Variants in RGS5 observed in about 807,000 individuals in gnomAD.
RGS5 encodes regulator of G protein signaling 5.
Under a neutral mutation model 18.9 loss-of-function variants are expected in RGS5, and 20 were observed. The observed-to-expected ratio is 1.06, with a 90% CI of 0.74 to 1.54. The LOEUF is 1.54. Ranked by LOEUF, RGS5 falls within the 40% of genes most tolerant of loss-of-function variation. The pLI is 0.00. For missense variants in RGS5, 201 were observed against 211.8 expected (o/e 0.95, Z 0.32); for synonymous variants, 57 against 76.2 (o/e 0.75, Z 1.31).
chr1:163,202,914 T>C lies in RGS5; in HGVS notation c.-79A>G. 4 of 1,375,984 alleles carry C rather than the reference T, an allele frequency of 2.9e-6. No individual in the cohort carries two copies. Among genetic ancestry groups the C allele is most frequent in the South Asian group, 2.4e-5 (2 of 83,292 alleles). The allele number at this position is 1,375,984 out of a possible 1,614,324, so 85.2% of individuals were successfully genotyped here. On this transcript the variant is annotated 5_prime_UTR_variant, in exon 1 of 5. Transcript: ENST00000313961. ...CCAGTCTTTGAAAACTTCAAAACTG[T>C]CTGGGATGCCTTTCCTCCTGAGGTA...
At chr1:163,225,427 T>C (rs1571303620) in intron 2 of RGS5, among the ~76,000 whole-genome samples, 1 of 152,160 alleles carries the variant, frequency 6.6e-6, no homozygotes, top group Non-Finnish European at 1.5e-5. Flanking sequence ...TTCTGCAACA[T>C]ATAGAATTAA....
At position 163,202,883 on chromosome 1, in the gene RGS5, G is replaced by C. The variant is rs1233548365; in HGVS notation, c.-48C>G. Reference sequence around the variant, plus strand: ...CCGCTTTAAGTACAACTTCTTAACAGCAGAGCCAGTCTTTGAAAACTTCAA... The same window carrying C: ...CCGCTTTAAGTACAACTTCTTAACACCAGAGCCAGTCTTTGAAAACTTCAA... On this transcript the variant is annotated 5_prime_UTR_variant, in exon 1 of 5. Transcript: ENST00000313961. 6.3e-7 allele frequency: 1 copy of C among 1,584,416 alleles called. No homozygotes were observed. The highest frequency in any genetic ancestry group is 1.7e-5 in the Admixed American group (1 of 59,560).
intron 1 of RGS5, among the ~76,000 whole-genome samples, chr1:163,182,177 T>C (rs1488164753): frequency 2.6e-5 from 4 of 152,192 alleles, no homozygotes; most frequent in Admixed American, 2.6e-4. Flanking sequence ...TAGGATAGGA[T>C]AGGCTCAAGA....
At chr1:163,165,134 C>T (rs1232815232) in intron 2 of RGS5, among the ~76,000 whole-genome samples, 4 of 152,260 alleles carry the variant, frequency 2.6e-5, no homozygotes, top group Middle Eastern at 3.4e-3. Context: ...CATCCATATG[C>T]GGGCCTGAAA....
intron 1 of RGS5, among the ~76,000 whole-genome samples, chr1:163,210,177 G>T (rs922496299): frequency 6.6e-6 from 1 of 151,048 alleles, no homozygotes; most frequent in Admixed American, 6.6e-5. Flanking sequence ...CGTATTTTTT[G>T]GGGTACAGAC....
intron 2 of RGS5, among the ~76,000 whole-genome samples, chr1:163,166,466 T>A (rs887183008): frequency 6.6e-6 from 1 of 152,128 alleles, no homozygotes; most frequent in East Asian, 1.9e-4. Flanking sequence ...TACAGAGAAA[T>A]TTTAAAGTGA....
At chr1:163,321,164 GA>G (rs1017614444) in intron 1 of RGS5, 22 of 152,352 alleles carry the variant, frequency 1.4e-4, no homozygotes, top group African/African-American at 5.1e-4. Flanking sequence ...ACTCACTCAG[GA>G]ATGTGCAAAT....
rs1156347576 is a variant in RGS5, at chr1:163,196,394, C to T, written c.44+6398G>A. Among the ~76,000 whole-genome samples, 5 of 152,298 alleles carry T rather than the reference C, an allele frequency of 3.3e-5. No homozygotes were observed. The East Asian group carries it at 9.6e-4, about 29-fold the overall frequency. On this transcript the variant is annotated intron_variant, in intron 1 of 4. Coordinates refer to ENST00000313961, the MANE Select transcript of RGS5 (RefSeq NM_003617.4). ...AATAAACTCTCTCCCTAGATATCAT[C>T]TATCCCGTAATATTGTGTAGTCCTT...
intron 1 of RGS5, chr1:163,318,879 A>G (rs995526761): frequency 6.6e-6 from 1 of 152,240 alleles, no homozygotes; most frequent in Non-Finnish European, 1.5e-5. Context: ...TGGCATTGAC[A>G]GAAGTGGAGA....
At chr1:163,158,366 G>A (rs758514184) in intron 3 of RGS5, among the ~76,000 whole-genome samples, 1 of 152,130 alleles carries the variant, frequency 6.6e-6, no homozygotes, top group Admixed American at 6.6e-5. Flanking sequence ...TAAAGAAGAA[G>A]AGAGCAATAG....
intron 3 of RGS5, chr1:163,161,679 G>C: frequency 2.3e-6 from 1 of 435,876 alleles, no homozygotes; most frequent in East Asian, 4.2e-5. Flanking sequence ...GAACACAACT[G>C]CAATCATGAG....
intron 2 of RGS5, among the ~76,000 whole-genome samples, chr1:163,282,108 T>A (rs1477986335): frequency 6.6e-6 from 1 of 151,658 alleles, no homozygotes; most frequent in Non-Finnish European, 1.5e-5. Flanking sequence ...ACTAAAAAGC[T>A]CTGTACAGCA....
At chr1:163,210,704 C>G (rs753676770) in intron 1 of RGS5, 2 of 152,192 alleles carry the variant, frequency 1.3e-5, no homozygotes, top group Non-Finnish European at 2.9e-5. Flanking sequence ...AATGAGCACT[C>G]AACAAAGATT....
intron 2 of RGS5, among the ~76,000 whole-genome samples, chr1:163,232,121 G>A (rs6675256): frequency 0.05 from 7,555 of 152,182 alleles, 223 homozygotes; most frequent in South Asian, 0.093. Context: ...TGGCGGGGGT[G>A]GGGAAGGATG....
intron 3 of RGS5, among the ~76,000 whole-genome samples, chr1:163,155,635 C>G (rs886510895): frequency 6.6e-6 from 1 of 152,142 alleles, no homozygotes; most frequent in Non-Finnish European, 1.5e-5. Context: ...ATCACCCCTG[C>G]GGACAACCTA....
chr1:163,298,973 G>A (rs1649490630), intron 2 of RGS5, among the ~76,000 whole-genome samples: 1 of 152,036 alleles, frequency 6.6e-6, no homozygotes, highest in Non-Finnish European at 1.5e-5. Context: ...TCAAATTTCT[G>A]TGATAGAAGC....
chr1:163,232,329 T>A (rs1401517448), intron 2 of RGS5, among the ~76,000 whole-genome samples: 1 of 152,212 alleles, frequency 6.6e-6, no homozygotes, highest in Non-Finnish European at 1.5e-5. Flanking sequence ...CAATGAAAGT[T>A]TCCTGTGCCT....
At chr1:163,250,494 C>T (rs761317226) in intron 2 of RGS5, among the ~76,000 whole-genome samples, 4 of 152,128 alleles carry the variant, frequency 2.6e-5, no homozygotes, top group Non-Finnish European at 4.4e-5. Context: ...GATTTGTCTG[C>T]AAACAGAACC....
chr1:163,241,041 C>T (rs1001751063), intron 2 of RGS5, among the ~76,000 whole-genome samples: 1 of 152,174 alleles, frequency 6.6e-6, no homozygotes, highest in South Asian at 2.1e-4. Context: ...TTCCTTGCTT[C>T]CTTTGGGTTT....
Sources: gnomAD v4.1 joint callset for allele counts (sites outside exome capture counted in the v4.1 genomes callset) on GRCh38, gnomAD v4.1.1 for gene constraint, MANE v1.5 for transcripts, NCBI Gene and HGNC (gene_info 2026-07-23, HGNC 2026-07-21) for gene names.